DPY19L2: variants seen among roughly 807,000 people sequenced by gnomAD.
DPY19L2 encodes dpy-19 like 2, also known as probable C-mannosyltransferase DPY19L2.
DPY19L2 carries 34 observed loss-of-function variants against 97.9 expected under a neutral mutation model. That is an observed-to-expected ratio of 0.35 (90% CI 0.26 to 0.46). The LOEUF is 0.46. Ranked by LOEUF, DPY19L2 falls within the 20% of genes least tolerant of loss-of-function variation. The pLI, the probability that DPY19L2 is intolerant of heterozygous loss-of-function variation, is 1.00. For synonymous variants in DPY19L2, 230 were observed against 307.9 expected, an observed-to-expected ratio of 0.75 and a Z score of 2.65; for missense variants, 623 against 911.4, an observed-to-expected ratio of 0.68 and a Z score of 4.07.
intron 17 of DPY19L2, among the ~76,000 whole-genome samples, 185 bp from the exon 18 acceptor site, chr12:63,582,710 C>T (rs1215043176): frequency 1.3e-5 from 2 of 152,106 alleles, no homozygotes; most frequent in East Asian, 1.9e-4. Context: ...CTGGGTGCTT[C>T]GGATACAGCA....
intron 12 of DPY19L2, among the ~76,000 whole-genome samples, chr12:63,601,867 A>G (rs573739854): frequency 1.3e-5 from 2 of 152,290 alleles, no homozygotes; most frequent in African/African-American, 4.8e-5. Flanking sequence ...CACTACTGCC[A>G]TCATGCACAA....
At chr12:63,650,319 G>A (rs954602874) in intron 4 of DPY19L2, among the ~76,000 whole-genome samples, 6 of 152,118 alleles carry the variant, frequency 3.9e-5, no homozygotes, top group African/African-American at 1.2e-4. Context: ...GTCCCAGCCA[G>A]AGCAATCAGG....
At chr12:63,597,624 A>G (rs947927480) in intron 14 of DPY19L2, among the ~76,000 whole-genome samples, 185 bp downstream of exon 14, 1 of 132,160 alleles carries the variant, frequency 7.6e-6, no homozygotes, top group African/African-American at 3.1e-5. Flanking sequence ...ACTCTATAAG[A>G]TAGAGGCTAT....
At chr12:63,570,070 C>A (rs2659979) in intron 20 of DPY19L2, among the ~76,000 whole-genome samples, 1 of 152,144 alleles carries the variant, frequency 6.6e-6, no homozygotes, top group African/African-American at 2.4e-5. Context: ...TCCTAGACAG[C>A]AGACCTAAAA....
chr12:63,638,802 C>T (rs1011092368), intron 6 of DPY19L2, among the ~76,000 whole-genome samples: 1 of 152,066 alleles, frequency 6.6e-6, no homozygotes, highest in Non-Finnish European at 1.5e-5. Flanking sequence ...AGATTCAATG[C>T]CATCCCCATC....
rs1887511885 is a variant in DPY19L2 at position 63,614,326 on chromosome 12, CT to C, written c.1218+2977del. Among the ~76,000 whole-genome samples the C allele has an allele frequency of 2.0e-5, 3 of 152,018 alleles. No homozygotes were observed. In the South Asian group the frequency reaches 6.2e-4, roughly 32 times the overall value. On this transcript the variant is annotated intron_variant, in intron 11 of 21. Transcript: ENST00000324472. ...AACACATCAGAATTGAAGGAATTCTCTTGTAGAACAAGACTAAAATAACCAA... is the reference window on the plus strand; with the variant it reads ...AACACATCAGAATTGAAGGAATTCTCTGTAGAACAAGACTAAAATAACCAA...
Position 63,594,652 on chromosome 12 carries a change from C to CTGTG in DPY19L2, c.1534-523_1534-520dup, listed in dbSNP as rs60604846. Among the ~76,000 whole-genome samples the CTGTG allele has an allele frequency of 2.6e-3, 293 of 111,910 alleles. 2 individuals are homozygous for CTGTG. Among genetic ancestry groups the CTGTG allele is most frequent in the African/African-American group, 0.013 (281 of 22,386 alleles). 73.4% of individuals were successfully genotyped at this position (111,910 alleles called of 152,430 possible). A position where few individuals can be genotyped will look rare whatever the true frequency, so the allele number is the denominator to read the frequency against. ...GCTGCAGGGACGTGTGTGTGCGTGTCTGTGTGTGTGTGTGTGTGTATGCAC... is the reference window on the plus strand; with the variant it reads ...GCTGCAGGGACGTGTGTGTGCGTGTCTGTGTGTGTGTGTGTGTGTGTGTATGCAC... On this transcript the variant is annotated intron_variant, in intron 15 of 21. Coordinates refer to ENST00000324472, the MANE Select transcript of DPY19L2 (RefSeq NM_173812.5).
At chr12:63,631,628 T>G (rs1210430392) in intron 6 of DPY19L2, among the ~76,000 whole-genome samples, 3 of 152,028 alleles carry the variant, frequency 2.0e-5, no homozygotes, top group Non-Finnish European at 4.4e-5. Flanking sequence ...CCAATTCTAC[T>G]AGAGGTAAAA....
At position 63,628,163 on chromosome 12, in the gene DPY19L2, T is replaced by C. The variant is rs535785732; in HGVS notation, c.804-1637A>G. ...AGCGACACAGAGGACGGGTGATTTCTGCATTTCCAACTGAGGTACTGTGTT... is the reference window on the plus strand; with the variant it reads ...AGCGACACAGAGGACGGGTGATTTCCGCATTTCCAACTGAGGTACTGTGTT... On this transcript the variant is annotated intron_variant, in intron 6 of 21. Coordinates refer to ENST00000324472, the MANE Select transcript of DPY19L2 (RefSeq NM_173812.5). Among the ~76,000 whole-genome samples the C allele has an allele frequency of 1.3e-4, 20 of 152,276 alleles. No homozygotes were observed. In the South Asian group the frequency reaches 4.1e-3, roughly 32 times the overall value.
At chr12:63,569,472 C>T (rs1878395227) in intron 20 of DPY19L2, 123 bp from the exon 21 acceptor site, 1 of 731,136 alleles carries the variant, frequency 1.4e-6, no homozygotes, top group East Asian at 3.4e-5. Flanking sequence ...ATACATGACT[C>T]AAAACAGCAT....
Position 63,564,118 on chromosome 12 carries a change from A to C in DPY19L2, c.2127-3456T>G, listed in dbSNP as rs185906792. ...AATCTTTCTTATTCCTGATACTAGT[A>C]ATTTCTGTCTTCAATCTTTTAGTTC... On this transcript the variant is annotated intron_variant, in intron 21 of 21. Transcript: ENST00000324472. 2.7e-3 allele frequency among the ~76,000 whole-genome samples: 405 copies of C among 152,156 alleles called. 2 individuals carry two copies. The highest frequency in any genetic ancestry group is 9.1e-3 in the African/African-American group (379 of 41,490).
At chr12:63,634,025 G>A (rs1301470119) in intron 6 of DPY19L2, among the ~76,000 whole-genome samples, 2 of 151,464 alleles carry the variant, frequency 1.3e-5, no homozygotes, top group Non-Finnish European at 2.9e-5. Context: ...AGAACACATG[G>A]ACACAGGAAG....
At chr12:63,615,494 T>C (rs541906507) in intron 11 of DPY19L2, among the ~76,000 whole-genome samples, 1 of 152,268 alleles carries the variant, frequency 6.6e-6, no homozygotes, top group East Asian at 1.9e-4. Flanking sequence ...ATCCAATTTC[T>C]AATATATCAA....
At chr12:63,599,797 A>G (rs1038024933) in intron 13 of DPY19L2, among the ~76,000 whole-genome samples, 2 of 152,176 alleles carry the variant, frequency 1.3e-5, no homozygotes, top group African/African-American at 4.8e-5. Context: ...AATGCTCTGC[A>G]TGTATGTCCT....
At chr12:63,629,208 T>A (rs1405273632) in intron 6 of DPY19L2, among the ~76,000 whole-genome samples, 17 of 152,026 alleles carry the variant, frequency 1.1e-4, no homozygotes, top group Admixed American at 1.1e-3. Context: ...GGAACAAAGC[T>A]GGATGGAGAA....
chr12:63,588,439 C>G (rs2089974), intron 16 of DPY19L2, among the ~76,000 whole-genome samples: 3,358 of 152,104 alleles, frequency 0.022, 86 homozygotes, highest in African/African-American at 0.057. Context: ...TGAATAAGTT[C>G]GAGAGATCGA....
chr12:63,661,599 T>C (rs1895691527), intron 3 of DPY19L2, 118 bp from the exon 4 acceptor site: 1 of 740,344 alleles, frequency 1.4e-6, no homozygotes, highest in African/African-American at 1.9e-5. Context: ...TAAGACTTCC[T>C]AATCACTTCT....
At chr12:63,648,003 G>C (rs1893658592) in intron 4 of DPY19L2, among the ~76,000 whole-genome samples, 1 of 152,106 alleles carries the variant, frequency 6.6e-6, no homozygotes, top group Non-Finnish European at 1.5e-5. Context: ...CAATGTGATA[G>C]TATTAAGAGA....
At chr12:63,613,859 C>G (rs1233125126) in intron 11 of DPY19L2, among the ~76,000 whole-genome samples, 1 of 151,764 alleles carries the variant, frequency 6.6e-6, no homozygotes, top group African/African-American at 2.4e-5. Context: ...TAATAGCAAC[C>G]CTTTTGGACA....
Sources: gnomAD v4.1 joint callset for allele counts (sites outside exome capture counted in the v4.1 genomes callset) on GRCh38, gnomAD v4.1.1 for gene constraint, MANE v1.5 for transcripts, NCBI Gene and HGNC (gene_info 2026-07-23, HGNC 2026-07-21) for gene names.